CDH18: variants seen among roughly 807,000 people sequenced by gnomAD.
The protein encoded by CDH18 is cadherin-18.
A neutral mutation model predicts 67.9 loss-of-function variants in CDH18; 31 were observed. That is an observed-to-expected ratio of 0.46 (90% CI 0.34 to 0.62). CDH18 has a LOEUF of 0.62. CDH18 is among the 20% of genes least tolerant of loss of function. The pLI is 0.01. For missense variants in CDH18, 890 were observed against 975.5 expected (o/e 0.91, Z 1.17); for synonymous variants, 362 against 347.2 (o/e 1.04, Z -0.48).
chr5:20,207,211 GA>G (rs1451820958), intron 2 of CDH18, among the ~76,000 whole-genome samples: 1 of 151,070 alleles, frequency 6.6e-6, no homozygotes, highest in Non-Finnish European at 1.5e-5. Flanking sequence ...TGAACAATGT[GA>G]AAAAAATTAA....
rs1224550269 is a variant in CDH18, at chr5:20,376,094, T to TTTTTTTTTTTTTTA, written c.-579-120590_-579-120589insTAAAAAAAAAAAAA. On this transcript the variant is annotated intron_variant, in intron 1 of 14. Coordinates refer to the CDH18 transcript ENST00000507958. The stretch of plus-strand genomic sequence containing the variant: ...GTAAGCAATTTAAAAAGAAACAATT[T>TTTTTTTTTTTTTTA]TTTTTTTTTTTTTTTTTGAGACGGA... 6.5e-5 allele frequency among the ~76,000 whole-genome samples: 4 copies of TTTTTTTTTTTTTTA among 61,128 alleles called. 1 individual carries two copies. The highest frequency in any genetic ancestry group is 1.8e-4 in the African/African-American group (4 of 22,336). The allele number at this position is 61,128 out of a possible 152,430, so 40.1% of individuals were successfully genotyped here.
intron 1 of CDH18, among the ~76,000 whole-genome samples, chr5:20,562,870 C>T (rs972569941): frequency 4.6e-5 from 7 of 151,740 alleles, no homozygotes; most frequent in South Asian, 2.1e-4. Flanking sequence ...ATGAACCACC[C>T]GAGGATAATG....
chr5:19,589,659 T>G (rs1414989103), intron 7 of CDH18, among the ~76,000 whole-genome samples: 1 of 152,110 alleles, frequency 6.6e-6, no homozygotes, highest in Non-Finnish European at 1.5e-5. Context: ...AAATTAGACC[T>G]AGTCACTTTT....
intron 1 of CDH18, among the ~76,000 whole-genome samples, chr5:20,441,215 T>C (rs560192461): frequency 1.3e-5 from 2 of 152,010 alleles, no homozygotes; most frequent in East Asian, 3.9e-4. Context: ...AGGAAACTTT[T>C]GATAAGTTTA....
chr5:19,732,244 C>G (rs1767698129), intron 4 of CDH18, among the ~76,000 whole-genome samples: 1 of 151,946 alleles, frequency 6.6e-6, no homozygotes, highest in Non-Finnish European at 1.5e-5. Flanking sequence ...TATTCAAGAC[C>G]AGCCTGGGCA....
At chr5:20,064,155 T>G (rs1029355945) in intron 2 of CDH18, among the ~76,000 whole-genome samples, 6 of 152,186 alleles carry the variant, frequency 3.9e-5, no homozygotes, top group African/African-American at 1.2e-4. Context: ...CTGCTATCAG[T>G]TAAAATTTTC....
chr5:19,477,472 C>CA (rs1738680505), intron 12 of CDH18, among the ~76,000 whole-genome samples: 1 of 151,730 alleles, frequency 6.6e-6, no homozygotes, highest in Non-Finnish European at 1.5e-5. Context: ...GTAATAGCCT[C>CA]ACTAGGAAAA....
At chr5:19,936,704 A>C (rs1271747072) in intron 2 of CDH18, among the ~76,000 whole-genome samples, 2 of 151,090 alleles carry the variant, frequency 1.3e-5, no homozygotes, top group Non-Finnish European at 3.0e-5. Context: ...TTCTGAATAT[A>C]TTTCTTGAAG....
chr5:19,637,351 T>C (rs1753309838), intron 5 of CDH18, among the ~76,000 whole-genome samples: 1 of 152,042 alleles, frequency 6.6e-6, no homozygotes. Flanking sequence ...CACTCTAATA[T>C]CACGGCTGCC....
intron 1 of CDH18, among the ~76,000 whole-genome samples, chr5:20,486,161 C>T (rs966074207): frequency 2.6e-5 from 4 of 152,244 alleles, no homozygotes; most frequent in Admixed American, 6.5e-5. Context: ...GAATGGAAGA[C>T]TAGATAAGCC....
intron 1 of CDH18, among the ~76,000 whole-genome samples, chr5:20,420,291 C>T (rs1294468358): frequency 3.1e-4 from 47 of 151,156 alleles, no homozygotes. Flanking sequence ...ACTTTGGGCA[C>T]TTGCTCTTTG....
chr5:19,675,858 A>G (rs981187769), intron 5 of CDH18, among the ~76,000 whole-genome samples: 3 of 152,036 alleles, frequency 2.0e-5, no homozygotes, highest in Non-Finnish European at 4.4e-5. Context: ...CAGGTGTGAG[A>G]AATTATAAAA....
intron 2 of CDH18, among the ~76,000 whole-genome samples, chr5:20,099,337 T>C (rs1025156001): frequency 8.5e-5 from 13 of 152,200 alleles, no homozygotes; most frequent in Admixed American, 7.2e-4. Flanking sequence ...TCAATCCCTC[T>C]GCCATTTGAC....
Position 20,411,741 on chromosome 5 carries a change from G to A in CDH18, c.-579-156236C>T, listed in dbSNP as rs1337527050. On this transcript the variant is annotated intron_variant, in intron 1 of 14. Coordinates refer to the CDH18 transcript ENST00000507958. The stretch of plus-strand genomic sequence containing the variant: ...TTAATTTCTATCCAAAACATATAAG[G>A]AATTCCTATAACTGAATAGTAAATG... Among the ~76,000 whole-genome samples the A allele has an allele frequency of 2.0e-5, 3 of 151,068 alleles. No homozygotes were observed. In the East Asian group the frequency reaches 5.8e-4, roughly 29 times the overall value.
chr5:19,843,049 G>A (rs1782523331), intron 2 of CDH18, among the ~76,000 whole-genome samples: 1 of 152,250 alleles, frequency 6.6e-6, no homozygotes, highest in South Asian at 2.1e-4. Context: ...TCGTGTGATA[G>A]AAAAGAAAAA....
Position 20,071,324 on chromosome 5 carries a change from G to A in CDH18, c.-517-79310C>T, listed in dbSNP as rs372166140. Reference sequence around the variant, plus strand: ...TGCTATATCCTTCTTTAGGGTGTTTGAGAGTGCTAAACTCCCCCCAAACAA... The same window carrying A: ...TGCTATATCCTTCTTTAGGGTGTTTAAGAGTGCTAAACTCCCCCCAAACAA... On this transcript the variant is annotated intron_variant, in intron 2 of 14. Transcript: ENST00000507958. Among the ~76,000 whole-genome samples the A allele has an allele frequency of 1.5e-4, 23 of 152,078 alleles. No individual in the cohort carries two copies. In the East Asian group the frequency reaches 4.5e-3, roughly 29 times the overall value.
intron 2 of CDH18, among the ~76,000 whole-genome samples, chr5:20,050,102 T>C (rs1323029212): frequency 1.3e-5 from 2 of 151,844 alleles, no homozygotes; most frequent in African/African-American, 4.8e-5. Flanking sequence ...TGTGATCTAA[T>C]ACTTATAGAT....
At chr5:20,005,415 TACACACACACACACAC>T (rs3065076) in intron 2 of CDH18, among the ~76,000 whole-genome samples, 1 of 147,100 alleles carries the variant, frequency 6.8e-6, no homozygotes, top group Non-Finnish European at 1.5e-5. Context: ...TATATATATG[TACACACACACACACAC>T]ACACACACAC....
At chr5:19,921,624 T>C (rs533078956) in intron 2 of CDH18, among the ~76,000 whole-genome samples, 1 of 151,418 alleles carries the variant, frequency 6.6e-6, no homozygotes, top group Non-Finnish European at 1.5e-5. Context: ...AAACTATAAA[T>C]CCTGTAAAAA....
Sources: gnomAD v4.1 joint callset for allele counts (sites outside exome capture counted in the v4.1 genomes callset) on GRCh38, gnomAD v4.1.1 for gene constraint, MANE v1.5 for transcripts, NCBI Gene and HGNC (gene_info 2026-07-23, HGNC 2026-07-21) for gene names.